Variants in GFRA3 observed in about 807,000 individuals in gnomAD.
GFRA3 encodes GDNF family receptor alpha-3.
In GFRA3, 24 loss-of-function variants were observed where a neutral mutation model predicts 40.0. That is an observed-to-expected ratio of 0.60 (90% CI 0.43 to 0.84). The LOEUF is 0.84. GFRA3 is among the 40% of genes least tolerant of loss of function. The probability of loss-of-function intolerance (pLI) is 0.00; values close to 1 mark genes in which losing one functional copy is unlikely to be tolerated. For synonymous variants in GFRA3, 203 were observed against 213.5 expected (o/e 0.95, Z 0.43); for missense variants, 405 against 530.6 (o/e 0.76, Z 2.33).
At chr5:138,258,425 G>A (rs1245544346) in intron 3 of GFRA3, among the ~76,000 whole-genome samples, 2 of 151,806 alleles carry the variant, frequency 1.3e-5, no homozygotes, top group Non-Finnish European at 2.9e-5. Context: ...CAGGTAATCC[G>A]CCCATCTCGG....
chr5:138,258,543 C>T (rs191480150), intron 3 of GFRA3, among the ~76,000 whole-genome samples: 12 of 152,196 alleles, frequency 7.9e-5, no homozygotes, highest in East Asian at 5.8e-4. Flanking sequence ...CTATATGCAT[C>T]GAACACCCAT....
intron 4 of GFRA3, among the ~76,000 whole-genome samples, chr5:138,255,829 G>A (rs1253909104): frequency 6.6e-6 from 1 of 150,444 alleles, no homozygotes; most frequent in African/African-American, 2.5e-5. Context: ...GAACCCAGGA[G>A]ATAGAGGTTG....
chr5:138,259,558 TG>T lies in GFRA3; in HGVS notation c.470del (p.Pro157GlnfsTer122). The T allele has an allele frequency of 6.9e-7, 1 of 1,457,526 alleles. No homozygotes were observed. The highest frequency in any genetic ancestry group is 9.6e-7 in the Non-Finnish European group (1 of 1,036,882). 90.3% of individuals were successfully genotyped at this position (1,457,526 alleles called of 1,614,324 possible). ...CCCGAGCCTAGTTGCCCTCCACACC[TG>T]GTTTGAGCATGTTCAGTTTGCTGAG... ...MNLSKLNMLKPDSDLCLKFAM... is the reference protein window; with the variant it reads ...MNLSKLNMLKXDSDLCLKFAM... On this transcript the variant is annotated frameshift_variant and splice_region_variant, in exon 3 of 8. Transcript: ENST00000274721. LOFTEE classifies it high-confidence loss of function.
chr5:138,253,685 G>T, intron 6 of GFRA3, 81 bp downstream of exon 6: 1 of 1,335,220 alleles, frequency 7.5e-7, no homozygotes, highest in Non-Finnish European at 1.1e-6. Flanking sequence ...AACCAGCCTG[G>T]GCCACAGAGT....
intron 4 of GFRA3, among the ~76,000 whole-genome samples, chr5:138,255,676 A>C (rs1181636448): frequency 6.6e-6 from 1 of 152,116 alleles, no homozygotes; most frequent in East Asian, 1.9e-4. Context: ...AAGTGGGCTG[A>C]TCACTTGAGC....
intron 1 of GFRA3, chr5:138,267,562 G>T: frequency 4.9e-6 from 1 of 203,686 alleles, no homozygotes; most frequent in Admixed American, 4.5e-5. Context: ...ACACAAGAAG[G>T]GTGGACTCCT....
rs569481472 is a variant in GFRA3 at position 138,264,619 on chromosome 5, T to A, written c.92-71A>T. 5.8e-6 allele frequency: 6 copies of A among 1,032,542 alleles called. No homozygotes were observed. The Admixed American group carries it at 9.3e-5, about 16-fold the overall frequency. 64.0% of individuals were successfully genotyped at this position (1,032,542 alleles called of 1,614,324 possible). On this transcript the variant is annotated intron_variant, in intron 1 of 7. Transcript: ENST00000274721. ...TGTCTGGGAATACCAAGTCATGAGG[T>A]TGGGAGAGGGATATTCCTGATGAAA...
intron 4 of GFRA3, 25 bp from the exon 5 acceptor site, chr5:138,254,185 T>G: frequency 7.4e-6 from 10 of 1,350,194 alleles, no homozygotes; most frequent in Non-Finnish European, 8.5e-6. Flanking sequence ...ATTTCTGTCT[T>G]TCTTTTTTTT....
intron 1 of GFRA3, among the ~76,000 whole-genome samples, chr5:138,273,939 G>A (rs1246042570): frequency 1.3e-5 from 2 of 152,224 alleles, no homozygotes; most frequent in Non-Finnish European, 2.9e-5. Flanking sequence ...GCAGATGGAA[G>A]AGTTAAAGCC....
chr5:138,253,496 G>A (rs1236445411), intron 6 of GFRA3, 121 bp from the exon 7 acceptor site: 5 of 724,364 alleles, frequency 6.9e-6, no homozygotes, highest in Non-Finnish European at 1.2e-5. Context: ...TGGGTGGGAG[G>A]TGGAAGTGGG....
At chr5:138,262,460 TTTA>T (rs1324148537) in intron 2 of GFRA3, among the ~76,000 whole-genome samples, 1 of 152,176 alleles carries the variant, frequency 6.6e-6, no homozygotes, top group African/African-American at 2.4e-5. Context: ...CATTCATTCA[TTTA>T]TTTATTTGAG....
intron 4 of GFRA3, among the ~76,000 whole-genome samples, chr5:138,254,909 C>T (rs1755604404): frequency 6.8e-6 from 1 of 148,130 alleles, no homozygotes; most frequent in Non-Finnish European, 1.5e-5. Flanking sequence ...CCCTGAGCAA[C>T]ACAGCAAGAC....
Position 138,252,901 on chromosome 5 carries a change from T to G in GFRA3, c.*67A>C. On this transcript the variant is annotated 3_prime_UTR_variant, in exon 8 of 8. Transcript: ENST00000274721. The stretch of plus-strand genomic sequence containing the variant: ...CCTCCTTCCTGCTGCTGTCCTTTCC[T>G]CACCCCTTGTGGGCTGCAAGTCCAC... The G allele has an allele frequency of 1.2e-6, 1 of 860,098 alleles. No homozygotes were observed. The highest frequency in any genetic ancestry group is 2.0e-6 in the Non-Finnish European group (1 of 505,764). 53.3% of individuals were successfully genotyped at this position (860,098 alleles called of 1,614,324 possible).
At chr5:138,257,991 T>C in intron 3 of GFRA3, 40 bp from the exon 4 acceptor site, 1 of 1,520,416 alleles carries the variant, frequency 6.6e-7, no homozygotes, top group Non-Finnish European at 9.1e-7. Flanking sequence ...CTGGGCCCTC[T>C]GCACGCCTGC....
intron 7 of GFRA3, 31 bp from the exon 8 acceptor site, chr5:138,253,088 G>T: frequency 1.5e-6 from 2 of 1,291,530 alleles, no homozygotes; most frequent in South Asian, 1.2e-5. Flanking sequence ...AGTTAGCTCA[G>T]GGGATTTTCT....
intron 1 of GFRA3, among the ~76,000 whole-genome samples, chr5:138,271,637 C>A (rs1214324056): frequency 6.7e-6 from 1 of 150,332 alleles, no homozygotes; most frequent in African/African-American, 2.5e-5. Context: ...GTGGTACAAT[C>A]GCCACTCACT....
chr5:138,270,453 A>G (rs1244990333), intron 1 of GFRA3, among the ~76,000 whole-genome samples: 3 of 152,002 alleles, frequency 2.0e-5, no homozygotes, highest in Non-Finnish European at 4.4e-5. Flanking sequence ...AAGTGAAGTA[A>G]CTCAGGAATG....
Position 138,257,826 on chromosome 5 carries a change from G to GCTGC in GFRA3, c.594_597dup (p.Leu200AlafsTer131). The GCTGC allele has an allele frequency of 6.2e-7, 1 of 1,613,782 alleles. No homozygotes were observed. The highest frequency in any genetic ancestry group is 8.5e-7 in the Non-Finnish European group (1 of 1,179,882). ...GCGGCCTTCTCGAAGAAAGTGAGCA[G>GCTGC]CTGCCTGAGGCAGACGTGGCGCTGG... On this transcript the variant is annotated frameshift_variant, in exon 4 of 8. Transcript: ENST00000274721. LOFTEE classifies it high-confidence loss of function.
chr5:138,264,419 G>A lies in GFRA3; in HGVS notation c.221C>T (p.Pro74Leu), dbSNP rs376488328. 2 of 1,614,106 alleles carry A rather than the reference G, an allele frequency of 1.2e-6. No homozygotes were observed. Among genetic ancestry groups the A allele is most frequent in the African/African-American group, 2.7e-5 (2 of 75,046 alleles). ...LDSCTSSIST[P>L]LPSEEPSVPA... is the part of the protein sequence containing the mutation. ...GACCGAAGGCTCCTCTGAGGGCAGT[G>A]GGGTGCTTATGCTAGAGGTGCAGGA... The change falls in exon 2 of 8, where the codon CCA becomes CTA. Residue 74 changes from proline to leucine, a missense_variant. By Grantham distance (98) the Pro-to-Leu change is moderately conservative (BLOSUM62 -3). Coordinates refer to ENST00000274721, the MANE Select transcript of GFRA3 (RefSeq NM_001496.4).
Sources: gnomAD v4.1 joint callset for allele counts (sites outside exome capture counted in the v4.1 genomes callset) on GRCh38, gnomAD v4.1.1 for gene constraint, MANE v1.5 for transcripts, NCBI Gene and HGNC (gene_info 2026-07-23, HGNC 2026-07-21) for gene names.